Variants in PRLR observed in about 807,000 individuals in gnomAD.
PRLR encodes the protein hPRL receptor.
Under a neutral mutation model 40.2 loss-of-function variants are expected in PRLR, and 13 were observed. That is an observed-to-expected ratio of 0.32 (90% CI 0.21 to 0.51). The LOEUF (loss-of-function observed/expected upper bound fraction) is 0.51. PRLR is among the 20% of genes least tolerant of loss of function. The pLI is 0.97. For synonymous variants in PRLR, 269 were observed against 278.7 expected (o/e 0.97, Z 0.35); for missense variants, 656 against 747.3 (o/e 0.88, Z 1.42).
intron 1 of PRLR, among the ~76,000 whole-genome samples, chr5:35,161,576 A>T (rs1290383685): frequency 6.6e-6 from 1 of 152,254 alleles, no homozygotes; most frequent in Non-Finnish European, 1.5e-5. Flanking sequence ...CAAAAATCAA[A>T]GGACCCAGCT....
chr5:35,153,364 G>A (rs1436357312), intron 1 of PRLR, among the ~76,000 whole-genome samples: 7 of 152,170 alleles, frequency 4.6e-5, no homozygotes, highest in Middle Eastern at 3.4e-3. Flanking sequence ...AGGCCAATTC[G>A]TCTGGGATTG....
chr5:35,141,328 C>T (rs1379170414), intron 1 of PRLR, among the ~76,000 whole-genome samples: 2 of 151,918 alleles, frequency 1.3e-5, no homozygotes, highest in Non-Finnish European at 2.9e-5. Context: ...AACAGACACA[C>T]TATCCTAAGG....
At chr5:35,163,033 C>A (rs536935322) in intron 1 of PRLR, among the ~76,000 whole-genome samples, 2 of 152,188 alleles carry the variant, frequency 1.3e-5, no homozygotes, top group African/African-American at 4.8e-5. Flanking sequence ...AACCGACTTG[C>A]GCACTGGGAG....
At chr5:35,184,540 CA>C (rs1775375385) in intron 1 of PRLR, among the ~76,000 whole-genome samples, 2 of 152,042 alleles carry the variant, frequency 1.3e-5, no homozygotes, top group Admixed American at 1.3e-4. Context: ...AAGAAACAAA[CA>C]AAAAACAAAA....
intron 1 of PRLR, among the ~76,000 whole-genome samples, chr5:35,145,682 G>A (rs1488359735): frequency 1.3e-5 from 2 of 152,162 alleles, no homozygotes; most frequent in South Asian, 4.1e-4. Flanking sequence ...ATTTACCTTT[G>A]CATCTCTAAA....
At chr5:35,185,746 T>C (rs1374297805) in intron 1 of PRLR, among the ~76,000 whole-genome samples, 2 of 152,182 alleles carry the variant, frequency 1.3e-5, no homozygotes, top group Non-Finnish European at 2.9e-5. Flanking sequence ...TACTAGGAAA[T>C]AGAGCAGGTT....
intron 1 of PRLR, among the ~76,000 whole-genome samples, chr5:35,219,491 G>C (rs967519212): frequency 6.6e-6 from 1 of 152,182 alleles, no homozygotes; most frequent in African/African-American, 2.4e-5. Flanking sequence ...TACAGTCAGT[G>C]CCCACTAAAT....
At chr5:35,228,653 C>T (rs1404362413) in intron 1 of PRLR, among the ~76,000 whole-genome samples, 1 of 152,112 alleles carries the variant, frequency 6.6e-6, no homozygotes, top group Non-Finnish European at 1.5e-5. Flanking sequence ...GGACTGTCGC[C>T]TTAGGAGAGT....
intron 1 of PRLR, among the ~76,000 whole-genome samples, chr5:35,203,576 G>T (rs1171191058): frequency 6.6e-6 from 1 of 152,170 alleles, no homozygotes; most frequent in African/African-American, 2.4e-5. Context: ...TGGCCTGAAG[G>T]AGAGGGGTAG....
intron 1 of PRLR, among the ~76,000 whole-genome samples, chr5:35,133,449 C>T (rs1434663679): frequency 6.6e-6 from 1 of 152,142 alleles, no homozygotes; most frequent in Non-Finnish European, 1.5e-5. Context: ...TTTCTGACTC[C>T]CATTCCACAG....
At chr5:35,220,236 G>A (rs535528826) in intron 1 of PRLR, among the ~76,000 whole-genome samples, 7 of 152,092 alleles carry the variant, frequency 4.6e-5, no homozygotes, top group Admixed American at 6.5e-5. Flanking sequence ...CCATGACCTC[G>A]GGCCCTCCTT....
At chr5:35,097,609 G>A (rs776152681) in intron 2 of PRLR, among the ~76,000 whole-genome samples, 1 of 151,952 alleles carries the variant, frequency 6.6e-6, no homozygotes, top group African/African-American at 2.4e-5. Context: ...GAGGAGTGGG[G>A]ACAGGTCAGA....
chr5:35,124,717 A>T (rs895744218), intron 1 of PRLR, among the ~76,000 whole-genome samples: 1 of 152,004 alleles, frequency 6.6e-6, no homozygotes, highest in Non-Finnish European at 1.5e-5. Flanking sequence ...AATAACCATG[A>T]TGGCAGACTT....
chr5:35,178,412 A>C (rs1271482885), intron 1 of PRLR, among the ~76,000 whole-genome samples: 1 of 152,224 alleles, frequency 6.6e-6, no homozygotes, highest in African/African-American at 2.4e-5. Context: ...TGGCCTATGA[A>C]GCAACTAGCT....
At chr5:35,072,978 C>A (rs1769848719) in intron 5 of PRLR, among the ~76,000 whole-genome samples, 1 of 152,174 alleles carries the variant, frequency 6.6e-6, no homozygotes, top group Non-Finnish European at 1.5e-5. Flanking sequence ...GTATTTCATT[C>A]TCCGCATGTT....
chr5:35,152,488 T>G (rs1289449988), intron 1 of PRLR, among the ~76,000 whole-genome samples: 1 of 152,116 alleles, frequency 6.6e-6, no homozygotes, highest in Non-Finnish European at 1.5e-5. Context: ...CACAAAAAAT[T>G]TTAGCATAGG....
At chr5:35,083,452 G>GTGTGTA (rs1252799621) in intron 5 of PRLR, among the ~76,000 whole-genome samples, 2 of 104,356 alleles carry the variant, frequency 1.9e-5, no homozygotes, top group African/African-American at 1.1e-4. Context: ...CTCTCTCTGT[G>GTGTGTA]TGTGTGTGTG....
rs34465230 is a variant in PRLR at position 35,159,320 on chromosome 5, GA to G, written c.-105-41199del. Among the ~76,000 whole-genome samples the G allele has an allele frequency of 8.9e-3, 1,226 of 137,412 alleles. 17 individuals carry two copies. Among genetic ancestry groups the G allele is most frequent in the African/African-American group, 0.027 (951 of 35,236 alleles). 90.1% of individuals were successfully genotyped at this position (137,412 alleles called of 152,430 possible). A position where few individuals can be genotyped will look rare whatever the true frequency, so the allele number is the denominator to read the frequency against. ...TCTAAGGGTACTCCAATCAAGATAG[GA>G]AAAAAAAAAAAAAAAAGGAAATAAA... On this transcript the variant is annotated intron_variant, in intron 1 of 9. Transcript: ENST00000618457.
chr5:35,163,573 T>C (rs746844733), intron 1 of PRLR, among the ~76,000 whole-genome samples: 4 of 152,210 alleles, frequency 2.6e-5, no homozygotes, highest in Non-Finnish European at 5.9e-5. Context: ...TTCTATTCAC[T>C]GCTGGTATTA....
Sources: gnomAD v4.1 joint callset for allele counts (sites outside exome capture counted in the v4.1 genomes callset) on GRCh38, gnomAD v4.1.1 for gene constraint, MANE v1.5 for transcripts, NCBI Gene and HGNC (gene_info 2026-07-23, HGNC 2026-07-21) for gene names.